Variants in CCDC178 observed in about 807,000 individuals in gnomAD.
The protein encoded by CCDC178 is coiled-coil domain-containing protein 178.
Under a neutral mutation model 117.4 loss-of-function variants are expected in CCDC178, and 126 were observed. The observed-to-expected ratio is 1.07, with a 90% CI of 0.93 to 1.24. The LOEUF is 1.24. Among genes scored for constraint, CCDC178 ranks in the 50% most tolerant of loss-of-function variants. The pLI, the probability that CCDC178 is intolerant of heterozygous loss-of-function variation, is 0.00. For synonymous variants in CCDC178, 283 were observed against 313.4 expected (o/e 0.90, Z 1.02); for missense variants, 1,030 against 986.9 (o/e 1.04, Z -0.59).
intron 22 of CCDC178, among the ~76,000 whole-genome samples, chr18:32,965,960 T>C (rs2054804658): frequency 6.7e-6 from 1 of 149,102 alleles, no homozygotes; most frequent in East Asian, 1.9e-4. Context: ...ATATAAGATA[T>C]ATAATAGAAT....
chr18:32,967,581 C>A (rs2054841538), intron 22 of CCDC178, among the ~76,000 whole-genome samples: 1 of 151,130 alleles, frequency 6.6e-6, no homozygotes, highest in Admixed American at 6.6e-5. Flanking sequence ...CTTTTATGAC[C>A]AATCTACAAA....
At chr18:33,080,728 G>A (rs272963) in intron 21 of CCDC178, among the ~76,000 whole-genome samples, 21,660 of 151,960 alleles carry the variant, frequency 0.14, 2,390 homozygotes, top group African/African-American at 0.31. Context: ...GTTGTTTCAT[G>A]GTGTTTTTAT....
At chr18:33,120,264 G>A (rs1031880510) in intron 20 of CCDC178, among the ~76,000 whole-genome samples, 4 of 151,920 alleles carry the variant, frequency 2.6e-5, no homozygotes, top group African/African-American at 9.7e-5. Context: ...ACTTACTCCA[G>A]GCCATTTGGG....
At chr18:33,005,297 G>A (rs1353826437) in intron 21 of CCDC178, among the ~76,000 whole-genome samples, 1 of 151,898 alleles carries the variant, frequency 6.6e-6, no homozygotes, top group Non-Finnish European at 1.5e-5. Context: ...AAAGAATAAG[G>A]TCCTGTTATT....
At chr18:33,101,537 A>G (rs939492066) in intron 20 of CCDC178, among the ~76,000 whole-genome samples, 53 of 151,912 alleles carry the variant, frequency 3.5e-4, no homozygotes, top group Admixed American at 3.4e-3. Context: ...TACTGATGGC[A>G]CTGCACATCG....
At chr18:33,308,161 T>G (rs2062283729) in intron 11 of CCDC178, among the ~76,000 whole-genome samples, 1 of 152,120 alleles carries the variant, frequency 6.6e-6, no homozygotes, top group African/African-American at 2.4e-5. Context: ...TACCAGCCCA[T>G]GAAAGCAGGC....
chr18:33,076,380 C>T lies in CCDC178; in HGVS notation c.2388+16381G>A, dbSNP rs867477831. On this transcript the variant is annotated intron_variant, in intron 21 of 22. Coordinates refer to ENST00000383096, the MANE Select transcript of CCDC178 (RefSeq NM_001105528.4). ...TGAAAGGGGATTCAATGTGGTAGTC[C>T]TTACTTCAGCCCACATGCTTCCAAT... Among the ~76,000 whole-genome samples, 6 of 152,166 alleles carry T rather than the reference C, an allele frequency of 3.9e-5. No homozygotes were observed. In the South Asian group the frequency reaches 1.2e-3, roughly 32 times the overall value.
intron 14 of CCDC178, among the ~76,000 whole-genome samples, chr18:33,264,198 T>G (rs1465389160): frequency 2.0e-5 from 3 of 152,124 alleles, no homozygotes; most frequent in Non-Finnish European, 4.4e-5. Flanking sequence ...TGCCTACATA[T>G]AGACTTGCCA....
chr18:33,137,459 C>T (rs1003740324), intron 20 of CCDC178, among the ~76,000 whole-genome samples: 1 of 152,134 alleles, frequency 6.6e-6, no homozygotes, highest in African/African-American at 2.4e-5. Context: ...TTATAAATTT[C>T]TACAACTATT....
At chr18:33,337,481 C>G (rs1189796139) in intron 9 of CCDC178, among the ~76,000 whole-genome samples, 1 of 151,980 alleles carries the variant, frequency 6.6e-6, no homozygotes, top group East Asian at 1.9e-4. Flanking sequence ...CCTTGTCTTG[C>G]TCCAGTTCTC....
At chr18:33,228,104 T>G (rs2059329422) in intron 15 of CCDC178, among the ~76,000 whole-genome samples, 1 of 152,168 alleles carries the variant, frequency 6.6e-6, no homozygotes, top group African/African-American at 2.4e-5. Flanking sequence ...CATGTGTGCT[T>G]TTGTTGTGTT....
chr18:33,333,024 C>T (rs2062689747), intron 10 of CCDC178, 150 bp downstream of exon 10: 4 of 470,994 alleles, frequency 8.5e-6, no homozygotes, highest in Non-Finnish European at 7.5e-6. Flanking sequence ...AAAATGAATA[C>T]CAACAGTTGG....
intron 21 of CCDC178, among the ~76,000 whole-genome samples, chr18:32,979,476 A>C (rs2055101495): frequency 6.6e-6 from 1 of 152,216 alleles, no homozygotes; most frequent in Non-Finnish European, 1.5e-5. Context: ...ATAAATCAAT[A>C]TGACCAATTT....
chr18:33,194,848 G>A (rs1374207213), intron 20 of CCDC178, among the ~76,000 whole-genome samples: 1 of 145,958 alleles, frequency 6.9e-6, no homozygotes, highest in African/African-American at 2.6e-5. Context: ...AGAACTGCTT[G>A]AGCCCAGGAG....
intron 11 of CCDC178, among the ~76,000 whole-genome samples, chr18:33,298,040 GA>G (rs71159811): frequency 0.99 from 141,584 of 142,460 alleles, 70,356 homozygotes; most frequent in South Asian, 1. Flanking sequence ...GACTCTGTCT[GA>G]AAAAAAAAAA....
rs1438412902 is a variant in CCDC178, at chr18:33,211,982, T to C, written c.2152A>G (p.Lys718Glu). 1 of 1,609,814 alleles carries C rather than the reference T, an allele frequency of 6.2e-7. No individual in the cohort carries two copies. Among genetic ancestry groups the C allele is most frequent in the Admixed American group, 1.7e-5 (1 of 59,590 alleles). Residue 718 changes from lysine to glutamate, a missense_variant, in exon 20 of 23, where the codon AAA becomes GAA. Coordinates refer to ENST00000383096, the MANE Select transcript of CCDC178 (RefSeq NM_001105528.4). Reference protein sequence around the residue: ...TVFDHYMQEKKDCEERIFEED... With the variant: ...TVFDHYMQEKEDCEERIFEED... ...TCAAAGATTCTCTCTTCACAGTCTT[T>C]TTTCTCTTGCATATAATGATCAAAC...
intron 20 of CCDC178, among the ~76,000 whole-genome samples, chr18:33,183,075 A>T (rs2058749080): frequency 6.6e-6 from 1 of 151,976 alleles, no homozygotes; most frequent in South Asian, 2.1e-4. Context: ...TCTGGTTTTT[A>T]AATTAGGATT....
At chr18:33,377,266 T>C (rs1053182976) in intron 5 of CCDC178, among the ~76,000 whole-genome samples, 3 of 152,232 alleles carry the variant, frequency 2.0e-5, no homozygotes, top group African/African-American at 7.2e-5. Flanking sequence ...AAAGTGTTTA[T>C]GTCTTTTGCC....
chr18:33,046,921 T>C (rs1280941423), intron 21 of CCDC178, among the ~76,000 whole-genome samples: 2 of 152,182 alleles, frequency 1.3e-5, no homozygotes, highest in Admixed American at 6.5e-5. Flanking sequence ...CTTATATAAC[T>C]TGTATTTGAC....
Sources: allele counts gnomAD v4.1 joint callset (sites outside exome capture counted in the v4.1 genomes callset), GRCh38; gene constraint gnomAD v4.1.1; transcripts MANE v1.5; gene names NCBI Gene and HGNC (gene_info 2026-07-23, HGNC 2026-07-21).